Variants in RASSF3 observed in about 807,000 individuals in gnomAD.
The protein encoded by RASSF3 is ras association domain-containing protein 3.
RASSF3 carries 19 observed loss-of-function variants against 19.9 expected under a neutral mutation model. That is an observed-to-expected ratio of 0.96 (90% CI 0.67 to 1.40). The LOEUF is 1.40. RASSF3 is among the 40% of genes most tolerant of loss of function. The pLI is 0.00. For missense variants in RASSF3, 306 were observed against 289.8 expected, an observed-to-expected ratio of 1.06 and a Z score of -0.41; for synonymous variants, 110 against 104.2, an observed-to-expected ratio of 1.06 and a Z score of -0.34.
chr12:64,560,858 G>A (rs905648748), intron 2 of RASSF3, among the ~76,000 whole-genome samples: 2 of 152,192 alleles, frequency 1.3e-5, no homozygotes, highest in African/African-American at 2.4e-5. Flanking sequence ...TGTGAGAGAC[G>A]GGGAAGGAAG....
At chr12:64,507,811 A>G (rs1035030079) in intron 1 of RASSF3, among the ~76,000 whole-genome samples, 1 of 152,178 alleles carries the variant, frequency 6.6e-6, no homozygotes, top group Non-Finnish European at 1.5e-5. Context: ...TATTTTAGGT[A>G]TTTATTGATG....
At chr12:64,662,550 C>G (rs1872406065) in intron 1 of RASSF3, among the ~76,000 whole-genome samples, 1 of 152,038 alleles carries the variant, frequency 6.6e-6, no homozygotes, top group African/African-American at 2.4e-5. Context: ...GCCTGGGTGA[C>G]AGATTGAGAC....
In RASSF3 at chr12:64,548,240, C is replaced by T. The variant is rs184539079; in HGVS notation, c.294+6535C>T. Among the ~76,000 whole-genome samples, 679 of 152,188 alleles carry T rather than the reference C, an allele frequency of 4.5e-3. 6 individuals carry two copies. The highest frequency in any genetic ancestry group is 0.016 in the African/African-American group (661 of 41,526). ...TGTCGCCCAGGCTGGAGTGCAGTGG[C>T]GCAATCACAGCTCACTGCAGTCTTG... On this transcript the variant is annotated intron_variant, in intron 2 of 5. Transcript: ENST00000637125.
At position 64,648,520 on chromosome 12, in the gene RASSF3, CT is replaced by C. The variant is rs796182763; in HGVS notation, c.112-36254del. ...TGTGGTGTCAGAATCACTCATAAAG[CT>C]TTTTTTTTTTTTGAGATGGAGCACG... On this transcript the variant is annotated intron_variant, in intron 1 of 4. Coordinates refer to ENST00000542104, the MANE Select transcript of RASSF3 (RefSeq NM_178169.4). Among the ~76,000 whole-genome samples the C allele has an allele frequency of 4.5e-3, 643 of 143,016 alleles. 1 individual carries two copies. Among genetic ancestry groups the C allele is most frequent in the Non-Finnish European group, 5.4e-3 (353 of 64,844 alleles). 93.8% of individuals were successfully genotyped at this position (143,016 alleles called of 152,430 possible).
At chr12:64,580,114 CT>C (rs925380571) in intron 2 of RASSF3, among the ~76,000 whole-genome samples, 3 of 152,036 alleles carry the variant, frequency 2.0e-5, no homozygotes, top group South Asian at 2.1e-4. Context: ...TGCGCGCAGC[CT>C]TTTTTGTGTT....
chr12:64,657,346 T>C (rs1482225036), intron 1 of RASSF3, among the ~76,000 whole-genome samples: 1 of 152,150 alleles, frequency 6.6e-6, no homozygotes, highest in African/African-American at 2.4e-5. Context: ...GTTCTGGAGA[T>C]GGATGGTAGT....
intron 1 of RASSF3, among the ~76,000 whole-genome samples, chr12:64,668,263 T>TTCTTCTTCTTCG (rs1221009458): frequency 1.3e-5 from 2 of 148,420 alleles, no homozygotes; most frequent in Admixed American, 1.3e-4. Flanking sequence ...CCTTTTCTTC[T>TTCTTCTTCTTCG]TCTTCTTCTT....
chr12:64,691,169 T>G (rs994396876), intron 3 of RASSF3, among the ~76,000 whole-genome samples: 22 of 152,244 alleles, frequency 1.4e-4, no homozygotes, highest in Non-Finnish European at 3.1e-4. Context: ...GCTCTTACCT[T>G]GTTTTCTAAA....
intron 2 of RASSF3, among the ~76,000 whole-genome samples, chr12:64,581,225 C>T (rs1869690675): frequency 6.6e-6 from 1 of 152,062 alleles, no homozygotes; most frequent in Non-Finnish European, 1.5e-5. Context: ...CTACACTGAG[C>T]CCACTGACAG....
rs1183487329 is a variant in RASSF3 at position 64,648,917 on chromosome 12, C to T, written c.112-35870C>T. 2.0e-5 allele frequency among the ~76,000 whole-genome samples: 3 copies of T among 148,882 alleles called. No homozygotes were observed. In the South Asian group the frequency reaches 6.4e-4, roughly 32 times the overall value. On this transcript the variant is annotated intron_variant, in intron 1 of 4. Transcript: ENST00000542104. ...AACTTCTGGACTCAGGTGATCCTCA[C>T]CCCTCAGCCTACCGAGTAGCTAGGA...
intron 1 of RASSF3, among the ~76,000 whole-genome samples, chr12:64,619,226 G>A (rs1217874490): frequency 1.3e-5 from 2 of 152,104 alleles, no homozygotes; most frequent in Non-Finnish European, 2.9e-5. Flanking sequence ...TCTTTGTGAA[G>A]GGGAACTTGC....
intron 2 of RASSF3, among the ~76,000 whole-genome samples, chr12:64,547,929 C>T (rs1205095878): frequency 6.6e-6 from 1 of 151,922 alleles, no homozygotes. Context: ...ATATAATTGC[C>T]CTTAGTATTT....
intron 2 of RASSF3, among the ~76,000 whole-genome samples, chr12:64,558,207 T>G (rs936633381): frequency 6.6e-6 from 1 of 152,106 alleles, no homozygotes; most frequent in Non-Finnish European, 1.5e-5. Flanking sequence ...TATGTGAGAG[T>G]TCACGCATTG....
intron 1 of RASSF3, among the ~76,000 whole-genome samples, chr12:64,670,478 C>T (rs1872664842): frequency 6.7e-6 from 1 of 150,356 alleles, no homozygotes; most frequent in Non-Finnish European, 1.5e-5. Flanking sequence ...AAAGTGGGGG[C>T]CCATCCCAAA....
intron 2 of RASSF3, among the ~76,000 whole-genome samples, chr12:64,592,424 C>T (rs1196635371): frequency 6.6e-6 from 1 of 152,076 alleles, no homozygotes; most frequent in African/African-American, 2.4e-5. Flanking sequence ...AATAATGGTA[C>T]AGTCTTAACT....
intron 1 of RASSF3, among the ~76,000 whole-genome samples, chr12:64,668,869 G>C (rs1872608842): frequency 6.6e-6 from 1 of 151,352 alleles, no homozygotes; most frequent in Admixed American, 6.6e-5. Context: ...TTTTAGTAGA[G>C]ATGGGGTTTC....
intron 1 of RASSF3, among the ~76,000 whole-genome samples, chr12:64,632,610 A>G (rs959562256): frequency 6.6e-6 from 1 of 152,078 alleles, no homozygotes; most frequent in East Asian, 1.9e-4. Context: ...AGAAGGAGGT[A>G]TGGAAGGTGG....
At chr12:64,597,493 A>G (rs1264424663) in intron 2 of RASSF3, among the ~76,000 whole-genome samples, 3 of 144,764 alleles carry the variant, frequency 2.1e-5, no homozygotes, top group Non-Finnish European at 4.6e-5. Flanking sequence ...GTCTCGCTCT[A>G]TTGCCCAGGC....
intron 1 of RASSF3, among the ~76,000 whole-genome samples, chr12:64,648,802 ATT>A (rs60003798): frequency 4.8e-5 from 5 of 104,988 alleles, no homozygotes; most frequent in Non-Finnish European, 5.4e-5. Context: ...TTTTACATTG[ATT>A]TTTTTTTTTT....
Sources: allele counts gnomAD v4.1 joint callset (sites outside exome capture counted in the v4.1 genomes callset), GRCh38; gene constraint gnomAD v4.1.1; transcripts MANE v1.5; gene names NCBI Gene and HGNC (gene_info 2026-07-23, HGNC 2026-07-21).